RARB: variants seen among roughly 807,000 people sequenced by gnomAD.
RARB encodes the protein retinoic acid receptor beta, also known as HBV-activated protein.
A neutral mutation model predicts 51.9 loss-of-function variants in RARB; 17 were observed. The ratio of observed to expected loss-of-function variants is 0.33; its 90% confidence interval spans 0.22 to 0.49. The LOEUF is 0.49. Among genes scored for constraint, RARB ranks in the 20% least tolerant of loss-of-function variants. The pLI is 0.99. For missense variants in RARB, 369 were observed against 550.8 expected (o/e 0.67, Z 3.30); for synonymous variants, 215 against 195.4 (o/e 1.10, Z -0.84).
intron 1 of RARB, among the ~76,000 whole-genome samples, chr3:25,443,144 G>A (rs150995396): frequency 1.6e-3 from 237 of 152,256 alleles, no homozygotes; most frequent in African/African-American, 5.3e-3. Context: ...AAACGAAATT[G>A]AGAACATCTC....
chr3:25,259,639 C>T (rs978242042), intron 5 of RARB, among the ~76,000 whole-genome samples: 6 of 152,248 alleles, frequency 3.9e-5, no homozygotes, highest in South Asian at 2.1e-4. Flanking sequence ...AATGAAGTTT[C>T]GGGTTTATCC....
intron 5 of RARB, among the ~76,000 whole-genome samples, chr3:25,329,998 A>G (rs1460223406): frequency 6.6e-6 from 1 of 152,238 alleles, no homozygotes; most frequent in Non-Finnish European, 1.5e-5. Context: ...AAATCCTCCA[A>G]GAAATATGGG....
chr3:25,519,315 C>A (rs896770833), intron 3 of RARB, among the ~76,000 whole-genome samples: 1 of 151,928 alleles, frequency 6.6e-6, no homozygotes, highest in Non-Finnish European at 1.5e-5. Context: ...CACAGGGACA[C>A]GTGTTTAATT....
At chr3:25,105,717 C>T (rs1316662199) in intron 3 of RARB, among the ~76,000 whole-genome samples, 1 of 152,074 alleles carries the variant, frequency 6.6e-6, no homozygotes, top group Non-Finnish European at 1.5e-5. Flanking sequence ...TTTTTACTTG[C>T]CAGTCTCTTT....
intron 3 of RARB, among the ~76,000 whole-genome samples, chr3:25,077,899 G>A (rs1266342645): frequency 2.0e-5 from 3 of 152,142 alleles, no homozygotes; most frequent in Admixed American, 6.5e-5. Flanking sequence ...GTATAAAGCA[G>A]TATCTCATTT....
chr3:25,595,870 A>G (rs759894486), intron 7 of RARB, among the ~76,000 whole-genome samples: 2 of 152,204 alleles, frequency 1.3e-5, no homozygotes, highest in Non-Finnish European at 2.9e-5. Flanking sequence ...TTCAAGATAC[A>G]CTTCTTTCAT....
intron 2 of RARB, among the ~76,000 whole-genome samples, chr3:25,043,898 A>T (rs368479107): frequency 1.4e-4 from 22 of 152,104 alleles, no homozygotes; most frequent in African/African-American, 4.8e-4. Context: ...CTCATTGAGG[A>T]AATGTGTGGT....
At chr3:24,851,807 T>C (rs1702563373) in intron 1 of RARB, among the ~76,000 whole-genome samples, 1 of 152,234 alleles carries the variant, frequency 6.6e-6, no homozygotes, top group African/African-American at 2.4e-5. Context: ...GGATTTGACA[T>C]GTTAAGAGAA....
At chr3:25,315,339 G>T (rs1314461660) in intron 5 of RARB, among the ~76,000 whole-genome samples, 1 of 152,134 alleles carries the variant, frequency 6.6e-6, no homozygotes, top group Non-Finnish European at 1.5e-5. Flanking sequence ...AGTACAAAAA[G>T]AAAGCACTCG....
At chr3:25,042,481 A>ATAG (rs1192697726) in intron 2 of RARB, among the ~76,000 whole-genome samples, 1 of 152,190 alleles carries the variant, frequency 6.6e-6, no homozygotes, top group Non-Finnish European at 1.5e-5. Context: ...GTGTCTGCTC[A>ATAG]TGACTTTCTC....
chr3:24,945,413 C>T (rs559921836), intron 2 of RARB, among the ~76,000 whole-genome samples: 2 of 152,278 alleles, frequency 1.3e-5, no homozygotes, highest in African/African-American at 4.8e-5. Context: ...ACACATGCAC[C>T]TGCAAATGCC....
chr3:25,174,299 C>T, exon 5 of RARB: 1 of 1,070,066 alleles, frequency 9.3e-7, no homozygotes. Context: ...ACAGCTCAGC[C>T]TCAACTCCTG....
intron 4 of RARB, among the ~76,000 whole-genome samples, chr3:25,142,660 T>C (rs1453125197): frequency 6.6e-6 from 1 of 152,024 alleles, no homozygotes. Context: ...TCATTAGCTT[T>C]GGGGGAAAGG....
rs376472389 is a variant in RARB at position 25,164,387 on chromosome 3, A to G, written c.-279-9732A>G. 4.6e-5 allele frequency among the ~76,000 whole-genome samples: 7 copies of G among 152,310 alleles called. No homozygotes were observed. The South Asian group carries it at 6.2e-4, about 14-fold the overall frequency. On this transcript the variant is annotated intron_variant, in intron 4 of 11. Coordinates refer to the RARB transcript ENST00000383772. The stretch of plus-strand genomic sequence containing the variant: ...GGGAAGGCCAGCGTTAATGCTGAGC[A>G]AGCATGGGCAACCCATGTGTGCAGT...
intron 1 of RARB, among the ~76,000 whole-genome samples, chr3:25,459,381 C>T (rs1474666476): frequency 6.6e-6 from 1 of 152,158 alleles, no homozygotes; most frequent in African/African-American, 2.4e-5. Flanking sequence ...AATTAGGGGA[C>T]TCACTGAAGG....
At chr3:25,207,939 G>A (rs535799292) in intron 5 of RARB, among the ~76,000 whole-genome samples, 2 of 151,820 alleles carry the variant, frequency 1.3e-5, no homozygotes, top group Non-Finnish European at 2.9e-5. Flanking sequence ...TTCTGAAGAG[G>A]CCTCAGGGAG....
At chr3:25,249,440 T>G (rs1003900351) in intron 5 of RARB, among the ~76,000 whole-genome samples, 7 of 152,172 alleles carry the variant, frequency 4.6e-5, no homozygotes, top group Admixed American at 3.9e-4. Context: ...TAAATTTATT[T>G]TGCATTGAAA....
At chr3:25,104,819 C>A (rs756427061) in intron 3 of RARB, among the ~76,000 whole-genome samples, 31 of 152,156 alleles carry the variant, frequency 2.0e-4, no homozygotes, top group Non-Finnish European at 3.4e-4. Flanking sequence ...ATGAATGAAT[C>A]CCACATGTTT....
chr3:25,280,826 T>A (rs1703504697), intron 5 of RARB, among the ~76,000 whole-genome samples: 1 of 152,148 alleles, frequency 6.6e-6, no homozygotes, highest in South Asian at 2.1e-4. Context: ...ACCAAGGACA[T>A]GTGCAAAGCC....
Sources: gnomAD v4.1 joint callset for allele counts (sites outside exome capture counted in the v4.1 genomes callset) on GRCh38, gnomAD v4.1.1 for gene constraint, MANE v1.5 for transcripts, NCBI Gene and HGNC (gene_info 2026-07-23, HGNC 2026-07-21) for gene names.